PLBD2: variants seen among roughly 807,000 people sequenced by gnomAD.
PLBD2 encodes the protein putative aminopeptidase PLBD2.
PLBD2 carries 51 observed loss-of-function variants against 68.3 expected under a neutral mutation model. The observed-to-expected ratio is 0.75, with a 90% confidence interval of 0.60 to 0.94. The LOEUF (loss-of-function observed/expected upper bound fraction) is 0.94. Ranked by LOEUF, PLBD2 falls within the 40% of genes least tolerant of loss-of-function variation. The probability of loss-of-function intolerance (pLI) is 0.00; values close to 1 mark genes in which losing one functional copy is unlikely to be tolerated. For missense variants in PLBD2, 729 were observed against 792.2 expected, an observed-to-expected ratio of 0.92 and a Z score of 0.96; for synonymous variants, 314 against 339.3, an observed-to-expected ratio of 0.93 and a Z score of 0.82.
intron 3 of PLBD2, among the ~76,000 whole-genome samples, chr12:113,373,375 C>T (rs191203014): frequency 1.3e-4 from 20 of 152,350 alleles, no homozygotes; most frequent in African/African-American, 3.6e-4. Flanking sequence ...GAGGTACACA[C>T]GGCAGGCTGT....
In PLBD2 at chr12:113,384,565, G is replaced by C. The variant is rs998227201; in HGVS notation, c.1119-286G>C. Among the ~76,000 whole-genome samples, 1 of 152,166 alleles carries C rather than the reference G, an allele frequency of 6.6e-6. No individual in the cohort carries two copies. The highest frequency in any genetic ancestry group is 2.4e-5 in the African/African-American group (1 of 41,464). On this transcript the variant is annotated intron_variant, in intron 7 of 11. Transcript: ENST00000280800. This position sits in a 1 kb window ranked among gnomAD's most constrained non-coding sequence, Gnocchi z 4.2. ...AGGAGGTGGACGTGGGTGGGTGGCAGGGCCTGTGAGCCAGAGACACTGGAA... is the reference window on the plus strand; with the variant it reads ...AGGAGGTGGACGTGGGTGGGTGGCACGGCCTGTGAGCCAGAGACACTGGAA...
chr12:113,362,757 A>G (rs1957306671), intron 1 of PLBD2, among the ~76,000 whole-genome samples: 1 of 151,116 alleles, frequency 6.6e-6, no homozygotes, highest in Non-Finnish European at 1.5e-5. Context: ...GAAAGGACAT[A>G]CTCTCTGAAT....
intron 5 of PLBD2, among the ~76,000 whole-genome samples, chr12:113,378,716 C>T (rs1427468816): frequency 6.7e-6 from 1 of 149,730 alleles, no homozygotes; most frequent in East Asian, 2.0e-4. Context: ...GACAGAGTCT[C>T]ACTCTGTTGC....
At chr12:113,387,166 A>T in intron 10 of PLBD2, 77 bp downstream of exon 10, 1 of 1,466,062 alleles carries the variant, frequency 6.8e-7, no homozygotes, top group Non-Finnish European at 9.0e-7. Flanking sequence ...TTTTTGTACC[A>T]ACTCATTCAA....
chr12:113,380,390 C>G (rs1031841386), intron 5 of PLBD2, among the ~76,000 whole-genome samples: 2 of 152,204 alleles, frequency 1.3e-5, no homozygotes, highest in Non-Finnish European at 2.9e-5. Flanking sequence ...CTGCCTTGGC[C>G]TCCCAAAGTG....
At chr12:113,365,698 C>A (rs1957336778) in intron 1 of PLBD2, among the ~76,000 whole-genome samples, 1 of 152,086 alleles carries the variant, frequency 6.6e-6, no homozygotes, top group South Asian at 2.1e-4. Context: ...TATCAAGGCC[C>A]CACTAAAGAT....
rs1039854566 is a variant in PLBD2, at chr12:113,372,340, C to CA, written c.385-299dup. Among the ~76,000 whole-genome samples, 87 of 145,708 alleles carry CA rather than the reference C, an allele frequency of 6.0e-4. No individual in the cohort carries two copies. Among genetic ancestry groups the CA allele is most frequent in the African/African-American group, 1.7e-3 (67 of 39,692 alleles). Reference sequence around the variant, plus strand: ...CTTAAAAAGGAACATAATAGGTGCTCAAAAAAAAAACATTCATGGATTGAC... The same window carrying CA: ...CTTAAAAAGGAACATAATAGGTGCTCAAAAAAAAAAACATTCATGGATTGAC... On this transcript the variant is annotated intron_variant, in intron 2 of 11. Coordinates refer to ENST00000280800, the MANE Select transcript of PLBD2 (RefSeq NM_173542.4). The surrounding 1 kb of genome is among the most constrained non-coding windows in gnomAD (Gnocchi z 4.2).
Position 113,372,749 on chromosome 12 carries a change from A to C in PLBD2, c.485A>C (p.Asn162Thr). 6.2e-7 allele frequency: 1 copy of C among 1,614,096 alleles called. No homozygotes were observed. Among genetic ancestry groups the C allele is most frequent in the Non-Finnish European group, 8.5e-7 (1 of 1,180,022 alleles). The change falls in exon 3 of 12, where the codon AAC (asparagine) becomes ACC (threonine). Residue 162 changes from asparagine to threonine, a missense_variant. Asn to Thr is a moderately conservative substitution (Grantham distance 65). Coordinates refer to ENST00000280800, the MANE Select transcript of PLBD2 (RefSeq NM_173542.4). This position sits in a 1 kb window ranked among gnomAD's most constrained non-coding sequence, Gnocchi z 4.2. ...AGGCTGAAGAGCTTCCTGGAGGCCA[A>C]CCTAGAGTGGATGCAGGAAGAGATG... Reference protein sequence around the residue: ...CERLKSFLEANLEWMQEEMES... With the variant: ...CERLKSFLEATLEWMQEEMES...
intron 1 of PLBD2, among the ~76,000 whole-genome samples, chr12:113,362,595 G>GA (rs548450929): frequency 8.2e-4 from 111 of 135,830 alleles, no homozygotes; most frequent in Middle Eastern, 3.9e-3. Context: ...GATTTTCCAG[G>GA]AAAAAAAAAA....
Position 113,384,719 on chromosome 12 carries a change from G to A in PLBD2, c.1119-132G>A. The A allele has an allele frequency of 1.5e-6, 1 of 673,756 alleles. No homozygotes were observed. The highest frequency in any genetic ancestry group is 2.3e-5 in the Admixed American group (1 of 44,146). 41.7% of individuals were successfully genotyped at this position (673,756 alleles called of 1,614,324 possible). A position where few individuals can be genotyped will look rare whatever the true frequency, so the allele number is the denominator to read the frequency against. On this transcript the variant is annotated intron_variant, in intron 7 of 11. Transcript: ENST00000280800. This position sits in a 1 kb window ranked among gnomAD's most constrained non-coding sequence, Gnocchi z 4.2. ...TACCTGGTCATGCTGCAGCGTCAGG[G>A]TGTCAGTTGAATGGCTGGACAACCC...
At chr12:113,363,952 T>C (rs959213880) in intron 1 of PLBD2, among the ~76,000 whole-genome samples, 18 of 152,244 alleles carry the variant, frequency 1.2e-4, no homozygotes, top group Admixed American at 3.9e-4. Flanking sequence ...GCTTAGTTCG[T>C]GCCTACCATT....
At chr12:113,371,375 A>C (rs901258518) in intron 2 of PLBD2, among the ~76,000 whole-genome samples, 2 of 152,256 alleles carry the variant, frequency 1.3e-5, no homozygotes, top group Admixed American at 6.5e-5. Context: ...GAAATGGGTG[A>C]ATCTGAGATG....
intron 1 of PLBD2, among the ~76,000 whole-genome samples, chr12:113,367,292 A>G (rs928765116): frequency 6.6e-6 from 1 of 152,246 alleles, no homozygotes; most frequent in Non-Finnish European, 1.5e-5. Context: ...AATTGGAAGC[A>G]TGTTGGAACT....
In PLBD2 at chr12:113,387,038, G is replaced by C. The variant is rs768853771; in HGVS notation, c.1388G>C (p.Arg463Pro). 4 of 1,611,184 alleles carry C rather than the reference G, an allele frequency of 2.5e-6. No homozygotes were observed. Among genetic ancestry groups the C allele is most frequent in the Non-Finnish European group, 3.4e-6 (4 of 1,178,908 alleles). Residue 463 changes from arginine to proline, a missense_variant, in exon 10 of 12, where the codon CGG (arginine) becomes CCG (proline). Transcript: ENST00000280800. ...YDGSPRAQIF[R>P]RNQSLVQDMD... is the part of the protein sequence containing the mutation. ...GGGAGCCCCCGGGCCCAGATCTTCC[G>C]GCGGAACCAGTCACTGGTACAAGAC... is the stretch of plus-strand genomic sequence containing the variant.
chr12:113,383,907 G>A (rs999483441), intron 6 of PLBD2, among the ~76,000 whole-genome samples, 198 bp from the exon 7 acceptor site: 4 of 147,964 alleles, frequency 2.7e-5, no homozygotes, highest in Admixed American at 1.4e-4. Flanking sequence ...GCTGAAGCAC[G>A]AAAATTGCTT....
chr12:113,375,466 T>C (rs939588098), intron 5 of PLBD2, among the ~76,000 whole-genome samples: 3 of 152,256 alleles, frequency 2.0e-5, no homozygotes, highest in Non-Finnish European at 4.4e-5. Flanking sequence ...CATCTTGTTT[T>C]ACATGTTTAT....
intron 5 of PLBD2, among the ~76,000 whole-genome samples, chr12:113,377,651 C>T (rs1037597930): frequency 4.6e-5 from 7 of 152,142 alleles, no homozygotes; most frequent in African/African-American, 1.7e-4. Context: ...GTCTTGAATA[C>T]CTGACCTCAA....
In PLBD2 at chr12:113,374,585, C is replaced by T. The variant is rs553359955; in HGVS notation, c.644+11C>T. Reference sequence around the variant, plus strand: ...ACCCTTGGGGTTCCTGTAAGTGCCACCCCCAGAGTGAACAGGGTGGGAAGA... The same window carrying T: ...ACCCTTGGGGTTCCTGTAAGTGCCATCCCCAGAGTGAACAGGGTGGGAAGA... On this transcript the variant is annotated intron_variant, in intron 4 of 11. Transcript: ENST00000280800. 5 of 1,580,328 alleles carry T rather than the reference C, an allele frequency of 3.2e-6. No homozygotes were observed. The highest frequency in any genetic ancestry group is 4.3e-6 in the Non-Finnish European group (5 of 1,160,880).
intron 1 of PLBD2, among the ~76,000 whole-genome samples, chr12:113,363,149 T>C (rs112002272): frequency 0.016 from 2,500 of 152,110 alleles, 38 homozygotes; most frequent in Non-Finnish European, 0.025. Context: ...TAAAGTGTTT[T>C]TCTGGCCGGG....
Sources: gnomAD v4.1 joint callset for allele counts (sites outside exome capture counted in the v4.1 genomes callset) on GRCh38, gnomAD v4.1.1 for gene constraint, Gnocchi (gnomAD v3.1) non-coding constraint, MANE v1.5 for transcripts, NCBI Gene and HGNC (gene_info 2026-07-23, HGNC 2026-07-21) for gene names.